Variants in HOOK2 observed in about 807,000 individuals in gnomAD.
HOOK2 encodes hook microtubule tethering protein 2, also known as protein Hook homolog 2.
In HOOK2, 108 loss-of-function variants were observed where a neutral mutation model predicts 111.9. The ratio of observed to expected loss-of-function variants is 0.96; its 90% confidence interval spans 0.83 to 1.13. The LOEUF (loss-of-function observed/expected upper bound fraction) is 1.13, where lower values mean the gene tolerates loss of function less well. Among genes scored for constraint, HOOK2 ranks in the 50% most tolerant of loss-of-function variants. The probability of loss-of-function intolerance (pLI) is 0.00; values close to 1 mark genes in which losing one functional copy is unlikely to be tolerated. For missense variants in HOOK2, 978 were observed against 951.3 expected, an observed-to-expected ratio of 1.03 and a Z score of -0.37; for synonymous variants, 405 against 394.3, an observed-to-expected ratio of 1.03 and a Z score of -0.32.
intron 7 of HOOK2, 172 bp downstream of exon 7, chr19:12,772,018 A>G (rs1280692472): frequency 6.5e-6 from 4 of 619,542 alleles, no homozygotes; most frequent in Non-Finnish European, 1.2e-5. Flanking sequence ...CGTGGCTTAC[A>G]GGCTTAAGGA....
chr19:12,764,832 G>C lies in HOOK2; in HGVS notation c.1809C>G (p.Tyr603Ter), dbSNP rs572386190. The C allele has an allele frequency of 1.2e-6, 2 of 1,613,856 alleles. No individual in the cohort carries two copies. Among genetic ancestry groups the C allele is most frequent in the Admixed American group, 3.3e-5 (2 of 60,028 alleles). The change falls in exon 20 of 23, where the codon TAC (tyrosine) becomes TAG (stop). Residue 603 changes from tyrosine to a stop codon, truncating the protein, a stop_gained. Coordinates refer to ENST00000397668, the MANE Select transcript of HOOK2 (RefSeq NM_013312.3). LOFTEE classifies it high-confidence loss of function. ...TCCTCACCATGCGGGCCTTGTCCAC[G>C]TAGCGGCGGTATCGCTCCTCCATGG... ...LRAMEERYRRYVDKARMVMQT... is the reference protein window; with the variant it reads ...LRAMEERYRR
chr19:12,774,436 T>A, intron 3 of HOOK2: 1 of 599,316 alleles, frequency 1.7e-6, no homozygotes, highest in Non-Finnish European at 3.0e-6. Context: ...TGTGTATGTG[T>A]TGCTTGTCAC....
At chr19:12,792,344 C>T (rs764349593) in intron 3 of HOOK2, 9 of 1,538,402 alleles carry the variant, frequency 5.9e-6, no homozygotes, top group Non-Finnish European at 7.9e-6. Flanking sequence ...ACTCCCCAGC[C>T]TCTGCGTCCT....
chr19:12,774,967 A>T, intron 1 of HOOK2, 70 bp from the exon 2 acceptor site: 1 of 1,441,856 alleles, frequency 6.9e-7, no homozygotes, highest in South Asian at 1.2e-5. Flanking sequence ...CCTTTTGCAG[A>T]CTTTTCCAGT....
chr19:12,783,041 G>A (rs1488087960), upstream of HOOK2, among the ~76,000 whole-genome samples: 1 of 152,046 alleles, frequency 6.6e-6, no homozygotes, highest in African/African-American at 2.4e-5. Context: ...TGGGGTCAGC[G>A]TCGCCCGGGC....
rs555538109 is a variant in HOOK2 at position 12,786,761 on chromosome 19, C to G, written n.42-12536G>C. 6.6e-6 allele frequency among the ~76,000 whole-genome samples: 1 copy of G among 152,222 alleles called. No individual in the cohort carries two copies. Among genetic ancestry groups the G allele is most frequent in the Non-Finnish European group, 1.5e-5 (1 of 68,024 alleles). The stretch of plus-strand genomic sequence containing the variant: ...TCCCTGTCTGGCCCAATCTCCACCC[C>G]GTGCTCAAACACCCATGCAGAGTGT... On this transcript the variant is annotated intron_variant and non_coding_transcript_variant, in intron 3 of 3. Coordinates refer to the HOOK2 transcript ENST00000589765. This position sits in a 1 kb window ranked among gnomAD's most constrained non-coding sequence, Gnocchi z 4.3.
At chr19:12,780,653 C>A (rs1389078247), upstream of HOOK2, among the ~76,000 whole-genome samples, 1 of 99,950 alleles carries the variant, frequency 1.0e-5, no homozygotes, top group Non-Finnish European at 2.0e-5. Context: ...CCGCGCCCGG[C>A]CTTTTTTTTT....
rs757558720 is a variant in HOOK2, at chr19:12,771,326, G to T, written c.601-7C>A. On this transcript the variant is annotated splice_region_variant and splice_polypyrimidine_tract_variant and intron_variant, in intron 8 of 22. Coordinates refer to ENST00000397668, the MANE Select transcript of HOOK2 (RefSeq NM_013312.3). ...CCTCTGACAGGAGCATCAGCTGCGG[G>T]CAGGGCAGAAAGATGAGCTTGGGCT... 1 of 1,604,726 alleles carries T rather than the reference G, an allele frequency of 6.2e-7. No individual in the cohort carries two copies. The highest frequency in any genetic ancestry group is 8.5e-7 in the Non-Finnish European group (1 of 1,175,246).
chr19:12,789,133 G>C (rs558012639), intron 3 of HOOK2, among the ~76,000 whole-genome samples: 37 of 152,136 alleles, frequency 2.4e-4, no homozygotes, highest in Non-Finnish European at 4.4e-4. Context: ...AAAGAAGAGA[G>C]AGGCTCTCTT....
chr19:12,772,084 AACAAGGTTAAGTC>A (rs1444361439), intron 7 of HOOK2, 93 bp downstream of exon 7: 3 of 875,038 alleles, frequency 3.4e-6, no homozygotes, highest in Non-Finnish European at 5.7e-6. Flanking sequence ...CTGGACCTTT[AACAAGGTTAAGTC>A]ACAAGGTTAA....
At chr19:12,773,591 C>T (rs1968403361) in intron 3 of HOOK2, among the ~76,000 whole-genome samples, 1 of 152,090 alleles carries the variant, frequency 6.6e-6, no homozygotes, top group African/African-American at 2.4e-5. Flanking sequence ...CAAGTCACTT[C>T]TCACCACCTG....
At chr19:12,781,854 CTTTT>C (rs1366130429), upstream of HOOK2, among the ~76,000 whole-genome samples, 1 of 143,368 alleles carries the variant, frequency 7.0e-6, no homozygotes, top group Middle Eastern at 3.3e-3. Context: ...TTTTTTTTTT[CTTTT>C]GAGACGGGGT....
chr19:12,785,315 CCAG>C (rs1037613355), intron 3 of HOOK2, among the ~76,000 whole-genome samples: 2 of 150,968 alleles, frequency 1.3e-5, no homozygotes, highest in African/African-American at 4.9e-5. Context: ...CACACACACA[CCAG>C]ATCGTATACA....
rs1246165800 is a variant in HOOK2, at chr19:12,791,672, G to GCCGGT, written n.42-17448_42-17447insACCGG. The GCCGGT allele has an allele frequency of 3.6e-6, 3 of 839,618 alleles. No homozygotes were observed. The highest frequency in any genetic ancestry group is 5.2e-6 in the Non-Finnish European group (3 of 578,900). The allele number at this position is 839,618 out of a possible 1,614,324, so 52.0% of individuals were successfully genotyped here. On this transcript the variant is annotated intron_variant and non_coding_transcript_variant, in intron 3 of 3. Coordinates refer to the HOOK2 transcript ENST00000589765. The surrounding 1 kb of genome is among the most constrained non-coding windows in gnomAD (Gnocchi z 7.0). ...CCAGCCCCCGAGAACGCGCGACCAG[G>GCCGGT]CACCCAGTCCGGTCACCGCAGCGGA...
Position 12,775,464 on chromosome 19 carries a change from T to A in HOOK2, c.-15A>T. On this transcript the variant is annotated 5_prime_UTR_variant, in exon 1 of 23. Transcript: ENST00000397668. ...TCCACGCTCATGGCTCCCGATCGGA[T>A]TCAATCCAGGCCACGGAGCCCCGGC... 1 of 1,609,424 alleles carries A rather than the reference T, an allele frequency of 6.2e-7. No homozygotes were observed. The highest frequency in any genetic ancestry group is 8.5e-7 in the Non-Finnish European group (1 of 1,178,454).
chr19:12,775,172 T>C, intron 1 of HOOK2: 2 of 984,644 alleles, frequency 2.0e-6, no homozygotes, highest in Non-Finnish European at 2.4e-6. Context: ...CCAATTCACC[T>C]GTGTCCTCGC....
chr19:12,792,114 G>A, intron 3 of HOOK2: 2 of 1,598,972 alleles, frequency 1.3e-6, no homozygotes, highest in Non-Finnish European at 8.5e-7. Flanking sequence ...CCCCCGCGGG[G>A]GTGGCAGCGG....
At position 12,774,733 on chromosome 19, in the gene HOOK2, G is replaced by A. The variant is rs375437186; in HGVS notation, c.140C>T (p.Ser47Phe). The A allele has an allele frequency of 8.1e-6, 13 of 1,614,014 alleles. No homozygotes were observed. In the African/African-American group the frequency reaches 1.7e-4, roughly 22 times the overall value. ...VAYVLNQIDP[S>F]WFNEAWLQGI... ...CTGGAGCCATGCCTCGTTGAACCAGGAGGGGTCTCTGGGGGCGAGAAGGTG... is the reference window on the plus strand; with the variant it reads ...CTGGAGCCATGCCTCGTTGAACCAGAAGGGGTCTCTGGGGGCGAGAAGGTG... The change falls in exon 3 of 23, where the codon TCC becomes TTC. Residue 47 changes from serine (S) to phenylalanine (F), a missense_variant. This residue lies in a region of HOOK2 where 301 missense variants were observed against 286.1 expected (regional missense o/e 1.05). Coordinates refer to ENST00000397668, the MANE Select transcript of HOOK2 (RefSeq NM_013312.3).
chr19:12,763,848 G>T, intron 20 of HOOK2, 70 bp from the exon 21 acceptor site: 2 of 1,019,190 alleles, frequency 2.0e-6, no homozygotes, highest in Non-Finnish European at 3.0e-6. Flanking sequence ...TGGGGTGTGT[G>T]TATTCATTCA....
Sources: allele counts gnomAD v4.1 joint callset (sites outside exome capture counted in the v4.1 genomes callset), GRCh38; gene constraint gnomAD v4.1.1; regional missense constraint gnomAD v4.1.1; non-coding constraint Gnocchi (gnomAD v3.1); transcripts MANE v1.5; gene names NCBI Gene and HGNC (gene_info 2026-07-23, HGNC 2026-07-21).